The following GABRB1 variants were observed in gnomAD, a reference collection of about 807,000 sequenced individuals.
GABRB1 encodes the protein gamma-aminobutyric acid type A receptor subunit beta1, also known as gamma-aminobutyric acid receptor subunit beta-1.
A neutral mutation model predicts 51.6 loss-of-function variants in GABRB1; 17 were observed. That is an observed-to-expected ratio of 0.33 (90% CI 0.23 to 0.49). GABRB1 has a LOEUF of 0.49. GABRB1 is among the 20% of genes least tolerant of loss of function. GABRB1 has a pLI of 0.99. For missense variants in GABRB1, 410 were observed against 600.6 expected, an observed-to-expected ratio of 0.68 and a Z score of 3.32; for synonymous variants, 247 against 218.9, an observed-to-expected ratio of 1.13 and a Z score of -1.14.
chr4:47,061,310 T>G (rs1726837684), intron 3 of GABRB1, among the ~76,000 whole-genome samples: 1 of 152,186 alleles, frequency 6.6e-6, no homozygotes, highest in Non-Finnish European at 1.5e-5. Context: ...GGATCATTGG[T>G]CTTTTCATGG....
chr4:47,262,504 A>T (rs1347151303), intron 4 of GABRB1, among the ~76,000 whole-genome samples: 3 of 152,214 alleles, frequency 2.0e-5, no homozygotes, highest in African/African-American at 4.8e-5. Flanking sequence ...ACACCATCTC[A>T]CACCAGTTAG....
At chr4:47,140,754 T>C (rs1315429698) in intron 3 of GABRB1, among the ~76,000 whole-genome samples, 3 of 151,240 alleles carry the variant, frequency 2.0e-5, no homozygotes, top group Non-Finnish European at 3.0e-5. Context: ...TGGTTAAGAG[T>C]TGTTTTTTGT....
intron 3 of GABRB1, among the ~76,000 whole-genome samples, chr4:47,160,551 G>T (rs1717897778): frequency 6.6e-6 from 1 of 151,970 alleles, no homozygotes; most frequent in Admixed American, 6.6e-5. Context: ...TATTTATCAG[G>T]CATTCCTCTC....
At position 47,048,432 on chromosome 4, in the gene GABRB1, C is replaced by T. The variant is rs187410080; in HGVS notation, c.240+15948C>T. On this transcript the variant is annotated intron_variant, in intron 3 of 8. Transcript: ENST00000295454. Reference sequence around the variant, plus strand: ...CAGGAGTCTTTTGCAATGAGGACTTCTTGAAGACAATGACCACACCTCATA... The same window carrying T: ...CAGGAGTCTTTTGCAATGAGGACTTTTTGAAGACAATGACCACACCTCATA... 2.6e-5 allele frequency among the ~76,000 whole-genome samples: 4 copies of T among 152,268 alleles called. No individual in the cohort carries two copies. The East Asian group carries it at 7.7e-4, about 29-fold the overall frequency.
Position 47,360,893 on chromosome 4 carries a change from C to T in GABRB1, c.544+40684C>T, listed in dbSNP as rs182266230. Among the ~76,000 whole-genome samples, 222 of 152,188 alleles carry T rather than the reference C, an allele frequency of 1.5e-3. 1 individual carries two copies. Among genetic ancestry groups the T allele is most frequent in the African/African-American group, 5.2e-3 (214 of 41,546 alleles). Reference sequence around the variant, plus strand: ...AATCCCAATTTTTGTTGAACACTTACTATACATCAAACACATTCTAAATGC... The same window carrying T: ...AATCCCAATTTTTGTTGAACACTTATTATACATCAAACACATTCTAAATGC... On this transcript the variant is annotated intron_variant, in intron 5 of 8. Transcript: ENST00000295454.
At chr4:46,995,591 T>C (rs935047736) in intron 1 of GABRB1, among the ~76,000 whole-genome samples, 1 of 152,144 alleles carries the variant, frequency 6.6e-6, no homozygotes, top group Admixed American at 6.5e-5. Context: ...CTCAAACTCC[T>C]GGTCTCAAGT....
At chr4:46,996,363 A>G (rs937437154) in intron 1 of GABRB1, among the ~76,000 whole-genome samples, 4 of 152,158 alleles carry the variant, frequency 2.6e-5, no homozygotes, top group Non-Finnish European at 5.9e-5. Flanking sequence ...AGCCAGTCAC[A>G]TTTTATAAAT....
intron 3 of GABRB1, among the ~76,000 whole-genome samples, chr4:47,071,217 T>C (rs1267579311): frequency 6.6e-6 from 1 of 152,210 alleles, no homozygotes; most frequent in East Asian, 1.9e-4. Flanking sequence ...TGCTATTGTC[T>C]AAATTCTGAA....
chr4:47,354,895 G>C (rs1339278807), intron 5 of GABRB1, among the ~76,000 whole-genome samples: 1 of 111,494 alleles, frequency 9.0e-6, no homozygotes, highest in Non-Finnish European at 1.8e-5. Context: ...GCTTTTGAAG[G>C]CCTTCCTACC....
chr4:47,358,643 C>G (rs1560350328), intron 5 of GABRB1, among the ~76,000 whole-genome samples: 1 of 152,104 alleles, frequency 6.6e-6, no homozygotes, highest in Non-Finnish European at 1.5e-5. Flanking sequence ...TTAGGATCCA[C>G]ACTAAGTGAC....
intron 4 of GABRB1, among the ~76,000 whole-genome samples, chr4:47,172,546 C>T (rs1232439508): frequency 6.6e-6 from 1 of 150,916 alleles, no homozygotes; most frequent in Non-Finnish European, 1.5e-5. Flanking sequence ...CTTTCCAGCA[C>T]ATGCAGTTCT....
intron 3 of GABRB1, chr4:47,033,020 A>G (rs1725404481): frequency 9.4e-6 from 3 of 317,726 alleles, no homozygotes; most frequent in South Asian, 5.4e-5. Flanking sequence ...GCAACAGGCT[A>G]AGACAACAGT....
intron 4 of GABRB1, among the ~76,000 whole-genome samples, chr4:47,206,127 G>T (rs1464237674): frequency 6.6e-6 from 1 of 151,948 alleles, no homozygotes; most frequent in African/African-American, 2.4e-5. Flanking sequence ...CATTTTCCAT[G>T]ATGGGACTTT....
intron 3 of GABRB1, among the ~76,000 whole-genome samples, chr4:47,048,302 C>T (rs557932172): frequency 1.3e-5 from 2 of 152,050 alleles, no homozygotes; most frequent in Non-Finnish European, 1.5e-5. Flanking sequence ...TGTGACCTTA[C>T]GGTGCACAAT....
At chr4:47,263,986 A>T (rs574321236) in intron 4 of GABRB1, among the ~76,000 whole-genome samples, 22 of 152,150 alleles carry the variant, frequency 1.4e-4, no homozygotes, top group South Asian at 8.3e-4. Flanking sequence ...AAATAAAAAA[A>T]AAAAAATCAG....
intron 4 of GABRB1, among the ~76,000 whole-genome samples, chr4:47,223,870 C>T (rs1303663985): frequency 6.6e-6 from 1 of 152,084 alleles, no homozygotes; most frequent in Non-Finnish European, 1.5e-5. Flanking sequence ...CTCTCTCTTC[C>T]ACTAAAGCTA....
intron 4 of GABRB1, among the ~76,000 whole-genome samples, chr4:47,232,449 T>G (rs1372480464): frequency 6.6e-6 from 1 of 152,208 alleles, no homozygotes; most frequent in African/African-American, 2.4e-5. Flanking sequence ...AATCTTTTCC[T>G]GTTTTCCATA....
At chr4:47,353,144 T>A (rs750732253) in intron 5 of GABRB1, among the ~76,000 whole-genome samples, 1 of 152,288 alleles carries the variant, frequency 6.6e-6, no homozygotes, top group Middle Eastern at 3.4e-3. Context: ...GAGAACAGTA[T>A]GGGGGAAACC....
At chr4:47,115,541 T>C (rs1715441083) in intron 3 of GABRB1, among the ~76,000 whole-genome samples, 1 of 152,106 alleles carries the variant, frequency 6.6e-6, no homozygotes, top group African/African-American at 2.4e-5. Flanking sequence ...TTTAATGATA[T>C]ATTCAACTTA....
Sources: gnomAD v4.1 joint callset for allele counts (sites outside exome capture counted in the v4.1 genomes callset) on GRCh38, gnomAD v4.1.1 for gene constraint, MANE v1.5 for transcripts, NCBI Gene and HGNC (gene_info 2026-07-23, HGNC 2026-07-21) for gene names.